The following CNTNAP2 variants were observed in gnomAD, a reference collection of about 807,000 sequenced individuals.
CNTNAP2 encodes the protein contactin-associated protein-like 2.
CNTNAP2 carries 98 observed loss-of-function variants against 155.2 expected under a neutral mutation model. The ratio of observed to expected loss-of-function variants is 0.63; its 90% CI spans 0.54 to 0.75. The LOEUF (loss-of-function observed/expected upper bound fraction) is 0.75. Ranked by LOEUF, CNTNAP2 falls within the 30% of genes least tolerant of loss-of-function variation. The pLI, the probability that CNTNAP2 is intolerant of heterozygous loss-of-function variation, is 0.00. For missense variants in CNTNAP2, 1,727 were observed against 1,688.1 expected (o/e 1.02, Z -0.40); for synonymous variants, 651 against 631.2 (o/e 1.03, Z -0.47).
chr7:146,824,620 T>C (rs1180713886), intron 2 of CNTNAP2, among the ~76,000 whole-genome samples: 1 of 152,106 alleles, frequency 6.6e-6, no homozygotes, highest in Non-Finnish European at 1.5e-5. Context: ...GTTTTGATTT[T>C]CATTTCTCTA....
intron 13 of CNTNAP2, among the ~76,000 whole-genome samples, chr7:147,665,344 G>C (rs1431147009): frequency 6.6e-6 from 1 of 152,088 alleles, no homozygotes; most frequent in Non-Finnish European, 1.5e-5. Flanking sequence ...ATTACAAATT[G>C]TCTCCTATTT....
At chr7:147,388,611 C>A (rs148311875) in intron 9 of CNTNAP2, among the ~76,000 whole-genome samples, 1 of 151,722 alleles carries the variant, frequency 6.6e-6, no homozygotes, top group Non-Finnish European at 1.5e-5. Flanking sequence ...GATGGAGTCT[C>A]GCCCTGTAAC....
chr7:147,949,844 A>T (rs912335364), intron 14 of CNTNAP2, among the ~76,000 whole-genome samples: 3 of 152,254 alleles, frequency 2.0e-5, no homozygotes, highest in Admixed American at 1.3e-4. Context: ...ATGACTGAGA[A>T]TTGAATTGAG....
At chr7:148,252,747 G>A (rs1275249430) in intron 20 of CNTNAP2, among the ~76,000 whole-genome samples, 1 of 152,050 alleles carries the variant, frequency 6.6e-6, no homozygotes, top group African/African-American at 2.4e-5. Context: ...GGCAGTGCCA[G>A]GATTTTGATT....
At chr7:146,271,289 C>T (rs1321071052) in intron 1 of CNTNAP2, among the ~76,000 whole-genome samples, 1 of 152,008 alleles carries the variant, frequency 6.6e-6, no homozygotes, top group Non-Finnish European at 1.5e-5. Context: ...ATTTACATCT[C>T]AGCAGTGGCA....
intron 16 of CNTNAP2, among the ~76,000 whole-genome samples, chr7:148,134,226 A>T (rs2116632624): frequency 1.3e-5 from 2 of 152,352 alleles, no homozygotes; most frequent in East Asian, 3.9e-4. Context: ...TGCGAATGCC[A>T]ACTGACTTTT....
chr7:146,975,460 G>A (rs987332052), intron 3 of CNTNAP2, among the ~76,000 whole-genome samples: 1 of 139,926 alleles, frequency 7.1e-6, no homozygotes, highest in African/African-American at 2.6e-5. Context: ...GTGAGACTCT[G>A]TCTAAGAAAA....
intron 1 of CNTNAP2, among the ~76,000 whole-genome samples, chr7:146,554,034 G>A (rs1798159948): frequency 1.3e-5 from 2 of 152,030 alleles, no homozygotes. Flanking sequence ...TGTTCTTTTG[G>A]GCATTCCATT....
At chr7:146,887,530 AATAAGT>A (rs1455773107) in intron 3 of CNTNAP2, among the ~76,000 whole-genome samples, 10 of 152,142 alleles carry the variant, frequency 6.6e-5, no homozygotes, top group Non-Finnish European at 1.2e-4. Context: ...CTTCATTATT[AATAAGT>A]ATGAGTAAAG....
intron 11 of CNTNAP2, among the ~76,000 whole-genome samples, chr7:147,493,080 T>C (rs1005148879): frequency 5.3e-5 from 8 of 152,210 alleles, no homozygotes; most frequent in Non-Finnish European, 1.2e-4. Flanking sequence ...AAACAGCTAG[T>C]CAAATTTTAC....
intron 1 of CNTNAP2, among the ~76,000 whole-genome samples, chr7:146,130,338 G>T (rs1243820032): frequency 1.3e-5 from 2 of 152,104 alleles, no homozygotes; most frequent in East Asian, 3.9e-4. Context: ...GGTGGTGTGT[G>T]TCTGTACTGT....
At chr7:146,122,024 C>T (rs1797570595) in intron 1 of CNTNAP2, among the ~76,000 whole-genome samples, 1 of 152,164 alleles carries the variant, frequency 6.6e-6, no homozygotes, top group Non-Finnish European at 1.5e-5. Context: ...GGAGGTGCTT[C>T]CTCTTTCTCC....
intron 15 of CNTNAP2, among the ~76,000 whole-genome samples, chr7:148,062,458 T>C (rs1301265816): frequency 6.6e-6 from 1 of 152,118 alleles, no homozygotes; most frequent in Non-Finnish European, 1.5e-5. Context: ...AAATGTGGCA[T>C]ATTAATTTCA....
At chr7:147,728,503 T>C (rs1341428635) in intron 13 of CNTNAP2, among the ~76,000 whole-genome samples, 1 of 151,920 alleles carries the variant, frequency 6.6e-6, no homozygotes, top group Non-Finnish European at 1.5e-5. Flanking sequence ...GGGATCAGAG[T>C]AGCCCTAAAA....
intron 15 of CNTNAP2, among the ~76,000 whole-genome samples, chr7:148,077,045 C>A (rs1419268676): frequency 6.6e-6 from 1 of 151,992 alleles, no homozygotes; most frequent in African/African-American, 2.4e-5. Flanking sequence ...TGGTGGGTCA[C>A]GTCTGTAATC....
chr7:146,913,354 T>A (rs1360496704), intron 3 of CNTNAP2, among the ~76,000 whole-genome samples: 4 of 152,182 alleles, frequency 2.6e-5, no homozygotes, highest in Non-Finnish European at 5.9e-5. Flanking sequence ...GTTTGTGATT[T>A]TCCTGTAGGT....
intron 1 of CNTNAP2, among the ~76,000 whole-genome samples, chr7:146,182,420 T>C (rs1380946630): frequency 6.6e-6 from 1 of 152,100 alleles, no homozygotes; most frequent in Non-Finnish European, 1.5e-5. Flanking sequence ...CTTAGGAAAA[T>C]AGCAAGTCTA....
chr7:146,311,816 T>C (rs1006659746), intron 1 of CNTNAP2: 1 of 150,844 alleles, frequency 6.6e-6, no homozygotes, highest in African/African-American at 2.4e-5. Flanking sequence ...TTCATTTAAC[T>C]AGAAAAATAT....
rs1000663875 is a variant in CNTNAP2, at chr7:146,324,651, T to C, written c.97+207678T>C. 2.0e-5 allele frequency among the ~76,000 whole-genome samples: 3 copies of C among 152,286 alleles called. No individual in the cohort carries two copies. In the South Asian group the frequency reaches 6.2e-4, roughly 32 times the overall value. ...TTTATTCTATTTTTAATTGCTTTGC[T>C]TTTTCTAATAAATATATATTCCCCT... is the stretch of plus-strand genomic sequence containing the variant. On this transcript the variant is annotated intron_variant, in intron 1 of 23. Transcript: ENST00000361727.
Sources: gnomAD v4.1 joint callset for allele counts (sites outside exome capture counted in the v4.1 genomes callset) on GRCh38, gnomAD v4.1.1 for gene constraint, MANE v1.5 for transcripts, NCBI Gene and HGNC (gene_info 2026-07-23, HGNC 2026-07-21) for gene names.